MAP3K7CL: variants seen among roughly 807,000 people sequenced by gnomAD.
MAP3K7CL encodes MAP3K7 C-terminal-like protein.
A neutral mutation model predicts 18.6 loss-of-function variants in MAP3K7CL; 16 were observed. The observed-to-expected ratio is 0.86, with a 90% CI of 0.58 to 1.31. MAP3K7CL has a LOEUF of 1.31. Among genes scored for constraint, MAP3K7CL ranks in the 50% most tolerant of loss-of-function variants. The pLI is 0.00. For missense variants in MAP3K7CL, 163 were observed against 174.4 expected (o/e 0.93, Z 0.37); for synonymous variants, 65 against 66.8 (o/e 0.97, Z 0.13).
intron 3 of MAP3K7CL, among the ~76,000 whole-genome samples, chr21:29,153,085 T>A (rs997151402): frequency 6.6e-6 from 1 of 152,212 alleles, no homozygotes; most frequent in Non-Finnish European, 1.5e-5. Context: ...AGTTTGAGCA[T>A]GTAATTTGCA....
chr21:29,140,150 G>C (rs958403741), intron 2 of MAP3K7CL, among the ~76,000 whole-genome samples: 1 of 152,112 alleles, frequency 6.6e-6, no homozygotes, highest in African/African-American at 2.4e-5. Context: ...GGTGTCTCCT[G>C]TATTTACATT....
chr21:29,133,083 T>G (rs1306310498), intron 1 of MAP3K7CL, among the ~76,000 whole-genome samples: 1 of 152,162 alleles, frequency 6.6e-6, no homozygotes, highest in East Asian at 1.9e-4. Flanking sequence ...TCATTCTAGA[T>G]GTATATTGCA....
At chr21:29,107,698 A>G (rs1002042935) in intron 4 of MAP3K7CL, among the ~76,000 whole-genome samples, 15 of 152,218 alleles carry the variant, frequency 9.9e-5, no homozygotes, top group African/African-American at 3.6e-4. Flanking sequence ...AAATAGGGAC[A>G]CTAAAACAAA....
intron 4 of MAP3K7CL, among the ~76,000 whole-genome samples, chr21:29,170,778 A>G (rs2087807455): frequency 2.0e-5 from 3 of 151,626 alleles, no homozygotes; most frequent in African/African-American, 7.3e-5. Context: ...AGCTGGGATT[A>G]CAGGCACACA....
chr21:29,089,785 A>C (rs1000298845), intron 1 of MAP3K7CL, among the ~76,000 whole-genome samples: 1 of 151,980 alleles, frequency 6.6e-6, no homozygotes, highest in Non-Finnish European at 1.5e-5. Flanking sequence ...GAGTGAAAGC[A>C]AGAAAAAAGA....
In MAP3K7CL at chr21:29,160,072, C is replaced by T. The variant is rs750091957; in HGVS notation, c.248+16C>T. 1 of 1,593,354 alleles carries T rather than the reference C, an allele frequency of 6.3e-7. No individual in the cohort carries two copies. Among genetic ancestry groups the T allele is most frequent in the South Asian group, 1.1e-5 (1 of 90,590 alleles). ...AGCAAAGGAAGTAAGTACCTACCCC[C>T]CTCACTCTACATCTGAGCACTGCCT... On this transcript the variant is annotated intron_variant, in intron 4 of 4. Transcript: ENST00000399928.
chr21:29,095,141 T>A (rs1568931814), intron 4 of MAP3K7CL, among the ~76,000 whole-genome samples: 1 of 136,068 alleles, frequency 7.3e-6, no homozygotes, highest in South Asian at 2.3e-4. Flanking sequence ...CTCATTCATT[T>A]AAAAAAAAAA....
chr21:29,164,471 T>C (rs970890643), intron 4 of MAP3K7CL, among the ~76,000 whole-genome samples: 1 of 152,248 alleles, frequency 6.6e-6, no homozygotes, highest in Non-Finnish European at 1.5e-5. Flanking sequence ...TTTTTCTTTA[T>C]TGGAGTCGTT....
At chr21:29,160,701 A>C (rs1304145675) in intron 4 of MAP3K7CL, among the ~76,000 whole-genome samples, 2 of 152,220 alleles carry the variant, frequency 1.3e-5, no homozygotes, top group African/African-American at 4.8e-5. Flanking sequence ...TTTCCTTCAC[A>C]GTACTAGCTG....
intron 2 of MAP3K7CL, among the ~76,000 whole-genome samples, chr21:29,136,826 T>G (rs1372898938): frequency 6.6e-6 from 1 of 152,186 alleles, no homozygotes; most frequent in Non-Finnish European, 1.5e-5. Context: ...TGGCCCGACA[T>G]GTTCATTTCT....
chr21:29,116,195 A>G (rs2086502590), intron 4 of MAP3K7CL, among the ~76,000 whole-genome samples: 1 of 152,238 alleles, frequency 6.6e-6, no homozygotes, highest in South Asian at 2.1e-4. Context: ...AGCAGGCTAC[A>G]ATAAATCTTC....
At chr21:29,123,014 T>C (rs2086620895) in intron 4 of MAP3K7CL, among the ~76,000 whole-genome samples, 1 of 151,514 alleles carries the variant, frequency 6.6e-6, no homozygotes, top group South Asian at 2.1e-4. Context: ...ACTTAAGTAA[T>C]GCTATTTTCA....
intron 4 of MAP3K7CL, chr21:29,109,940 T>C (rs2086390795): frequency 3.5e-6 from 1 of 287,162 alleles, no homozygotes; most frequent in Non-Finnish European, 5.2e-6. Flanking sequence ...TGTAGTAGAT[T>C]TCTCCTGCAA....
intron 4 of MAP3K7CL, among the ~76,000 whole-genome samples, chr21:29,096,879 A>G (rs370175043): frequency 1.3e-5 from 2 of 152,164 alleles, no homozygotes; most frequent in African/African-American, 4.8e-5. Context: ...CTTCCTTCAT[A>G]TGGTTGGGAA....
At chr21:29,117,033 C>T (rs1469314691) in intron 4 of MAP3K7CL, among the ~76,000 whole-genome samples, 1 of 152,256 alleles carries the variant, frequency 6.6e-6, no homozygotes, top group African/African-American at 2.4e-5. Context: ...TTGAGTAAGG[C>T]TTTTTGTGGT....
In MAP3K7CL at chr21:29,149,174, A is replaced by G. The variant is rs886866649; in HGVS notation, c.71-15A>G. ...GAGCTCCATAGTGAAGAATCATTTTATTTCCTTGTTTTAGATGATACACCC... is the reference window on the plus strand; with the variant it reads ...GAGCTCCATAGTGAAGAATCATTTTGTTTCCTTGTTTTAGATGATACACCC... On this transcript the variant is annotated splice_polypyrimidine_tract_variant and intron_variant, in intron 2 of 4. Transcript: ENST00000399928. The G allele has an allele frequency of 2.5e-6, 4 of 1,612,020 alleles. No homozygotes were observed. The highest frequency in any genetic ancestry group is 1.3e-5 in the African/African-American group (1 of 74,990).
In MAP3K7CL at chr21:29,160,044, T is replaced by C. The variant is rs945698629; in HGVS notation, c.236T>C (p.Leu79Pro). The C allele has an allele frequency of 6.2e-7, 1 of 1,613,872 alleles. No homozygotes were observed. The highest frequency in any genetic ancestry group is 1.7e-5 in the Admixed American group (1 of 60,012). ...GAGGTCAAAAAGGAAATCACCCTGCTTGAGCAAAGGAAGTAAGTACCTACC... is the reference window on the plus strand; with the variant it reads ...GAGGTCAAAAAGGAAATCACCCTGCCTGAGCAAAGGAAGTAAGTACCTACC... ...YHEVKKEITL[L>P]EQRKKELIAK... Residue 79 changes from leucine to proline, a missense_variant, in exon 4 of 5, where the codon CTT becomes CCT. By Grantham distance (98) the Leu-to-Pro change is moderately conservative. Transcript: ENST00000399928.
chr21:29,097,715 C>A (rs1456959717), intron 4 of MAP3K7CL, among the ~76,000 whole-genome samples: 1 of 151,990 alleles, frequency 6.6e-6, no homozygotes, highest in East Asian at 1.9e-4. Context: ...TGAAAACATG[C>A]AAAGATATAA....
intron 4 of MAP3K7CL, among the ~76,000 whole-genome samples, chr21:29,166,479 A>G (rs2087691501): frequency 6.6e-6 from 1 of 152,212 alleles, no homozygotes; most frequent in Non-Finnish European, 1.5e-5. Context: ...CAGTATATTC[A>G]CAGAGTTGTG....
Sources: gnomAD v4.1 joint callset for allele counts (sites outside exome capture counted in the v4.1 genomes callset) on GRCh38, gnomAD v4.1.1 for gene constraint, MANE v1.5 for transcripts, NCBI Gene and HGNC (gene_info 2026-07-23, HGNC 2026-07-21) for gene names.